Variants in GREB1 observed in about 807,000 individuals in gnomAD.
GREB1 encodes the protein growth regulating estrogen receptor binding 1, also known as protein GREB1.
GREB1 carries 106 observed loss-of-function variants against 200.7 expected under a neutral mutation model. The ratio of observed to expected loss-of-function variants is 0.53; its 90% CI spans 0.45 to 0.62. The LOEUF (loss-of-function observed/expected upper bound fraction) is 0.62, where lower values mean the gene tolerates loss of function less well. GREB1 is among the 20% of genes least tolerant of loss of function. The pLI, the probability that GREB1 is intolerant of heterozygous loss-of-function variation, is 0.00. For synonymous variants in GREB1, 1,132 were observed against 1,092.4 expected (o/e 1.04, Z -0.72); for missense variants, 2,243 against 2,556.8 (o/e 0.88, Z 2.65).
rs1264659564 is a variant in GREB1 at position 11,493,376 on chromosome 2, A to G, written c.-159+10995A>G. ...ATTAGATTCTCATAAGGAGCGTGCAACCTGGATCCCTTGTAGGCGCAGTTC... is the reference window on the plus strand; with the variant it reads ...ATTAGATTCTCATAAGGAGCGTGCAGCCTGGATCCCTTGTAGGCGCAGTTC... On this transcript the variant is annotated intron_variant, in intron 1 of 2. Coordinates refer to the GREB1 transcript ENST00000628795. The surrounding 1 kb of genome is among the most constrained non-coding windows in gnomAD (Gnocchi z 4.6). Among the ~76,000 whole-genome samples, 1 of 152,134 alleles carries G rather than the reference A, an allele frequency of 6.6e-6. No individual in the cohort carries two copies. The highest frequency in any genetic ancestry group is 1.9e-4 in the East Asian group (1 of 5,188).
At position 11,598,613 on chromosome 2, in the gene GREB1, G is replaced by A; in HGVS notation, c.2153-67G>A. 2.8e-6 allele frequency: 4 copies of A among 1,412,354 alleles called. No homozygotes were observed. The Admixed American group carries it at 5.2e-5, about 18-fold the overall frequency. 87.5% of individuals were successfully genotyped at this position (1,412,354 alleles called of 1,614,324 possible). On this transcript the variant is annotated intron_variant, in intron 14 of 32. Coordinates refer to ENST00000381486, the MANE Select transcript of GREB1 (RefSeq NM_014668.4). Reference sequence around the variant, plus strand: ...GCTGTGTAGGAGTCGCTCCTCAGGTGTCTGTTGAGTGAATGAAACCCAGTG... The same window carrying A: ...GCTGTGTAGGAGTCGCTCCTCAGGTATCTGTTGAGTGAATGAAACCCAGTG...
At chr2:11,509,849 G>A (rs951014851) in intron 1 of GREB1, among the ~76,000 whole-genome samples, 4 of 152,150 alleles carry the variant, frequency 2.6e-5, no homozygotes, top group East Asian at 1.9e-4. Context: ...CCTCCAGAAC[G>A]TGAGAAATGA....
At chr2:11,626,754 G>A (rs964950209) in intron 24 of GREB1, among the ~76,000 whole-genome samples, 5 of 152,176 alleles carry the variant, frequency 3.3e-5, no homozygotes, top group African/African-American at 9.7e-5. Context: ...GCCTTAATTA[G>A]TTTATTCCAC....
chr2:11,543,859 G>T (rs1674989810), intron 1 of GREB1, among the ~76,000 whole-genome samples: 1 of 152,146 alleles, frequency 6.6e-6, no homozygotes, highest in Non-Finnish European at 1.5e-5. Context: ...GCTGCTGGGT[G>T]GTGTGAAGAA....
rs780826587 is a variant in GREB1 at position 11,610,730 on chromosome 2, C to T, written c.2709C>T (p.Leu903=). ...LHSAVIRTFV[L]VQHYAAALMA... ...GCGCGGTGATCAGGACCTTTGTTCT[C>T]GTGCAGCACTACGCGGCCGCCCTGA... Residue 903 remains leucine, a synonymous_variant, in exon 18 of 33, where the codon CTC becomes CTT. Coordinates refer to ENST00000381486, the MANE Select transcript of GREB1 (RefSeq NM_014668.4). The T allele has an allele frequency of 4.0e-5, 64 of 1,613,248 alleles. No homozygotes were observed. The highest frequency in any genetic ancestry group is 1.6e-4 in the Middle Eastern group (1 of 6,082).
At chr2:11,506,297 A>G (rs541627935) in intron 1 of GREB1, among the ~76,000 whole-genome samples, 1 of 152,338 alleles carries the variant, frequency 6.6e-6, no homozygotes, top group South Asian at 2.1e-4. Flanking sequence ...GGTAGTTACC[A>G]TGCAGCTGAG....
chr2:11,556,762 G>A lies in GREB1; in HGVS notation c.148G>A (p.Ala50Thr), dbSNP rs754448466. 14 of 1,613,534 alleles carry A rather than the reference G, an allele frequency of 8.7e-6. No individual in the cohort carries two copies. Among genetic ancestry groups the A allele is most frequent in the African/African-American group, 4.0e-5 (3 of 74,918 alleles). The change falls in exon 2 of 33, where the codon GCT becomes ACT. Residue 50 changes from alanine (A) to threonine (T), a missense_variant. Ala to Thr is a moderately conservative substitution (Grantham distance 58). Coordinates refer to ENST00000381486, the MANE Select transcript of GREB1 (RefSeq NM_014668.4). ...LYLEAEQQLA[A>T]LEGGSRVDNE... Reference sequence around the variant, plus strand: ...CCTGGAAGCTGAGCAGCAGCTTGCCGCTCTAGAAGGTGGGAGACGCACGTT... The same window carrying A: ...CCTGGAAGCTGAGCAGCAGCTTGCCACTCTAGAAGGTGGGAGACGCACGTT...
At chr2:11,592,297 A>T in intron 10 of GREB1, among the ~76,000 whole-genome samples, 1 of 140,454 alleles carries the variant, frequency 7.1e-6, no homozygotes. Flanking sequence ...TTTCCAACTT[A>T]TAATTGGTGA....
intron 1 of GREB1, among the ~76,000 whole-genome samples, chr2:11,486,030 T>C: frequency 6.6e-6 from 1 of 152,170 alleles, no homozygotes; most frequent in Admixed American, 6.5e-5. Flanking sequence ...GACAGGAACT[T>C]GCTTTCAATA....
In GREB1 at chr2:11,583,575, G is replaced by T. The variant is rs114291627; in HGVS notation, c.902-1586G>T. 3.3e-3 allele frequency among the ~76,000 whole-genome samples: 507 copies of T among 152,260 alleles called. 5 individuals are homozygous for T. Among genetic ancestry groups the T allele is most frequent in the African/African-American group, 0.012 (491 of 41,560 alleles). On this transcript the variant is annotated intron_variant, in intron 7 of 32. Transcript: ENST00000381486. ...CTGCAGCGTGCTTAAAAATTACCAG[G>T]CTGGTCGGGTGCATTGGCTCACACC...
At chr2:11,623,451 G>T (rs1416226055) in intron 23 of GREB1, among the ~76,000 whole-genome samples, 1 of 152,204 alleles carries the variant, frequency 6.6e-6, no homozygotes, top group Non-Finnish European at 1.5e-5. Flanking sequence ...GTTCTCATAG[G>T]AGATGACACA....
intron 9 of GREB1, chr2:11,588,020 G>A: frequency 1.2e-6 from 1 of 819,410 alleles, no homozygotes; most frequent in Non-Finnish European, 1.5e-6. Flanking sequence ...TAGGTCAGAA[G>A]TTCAAGATCA....
In GREB1 at chr2:11,595,390, C is replaced by A. The variant is rs531925987; in HGVS notation, c.1825+11C>A. 6.2e-7 allele frequency: 1 copy of A among 1,611,658 alleles called. No individual in the cohort carries two copies. Among genetic ancestry groups the A allele is most frequent in the South Asian group, 1.1e-5 (1 of 90,874 alleles). The stretch of plus-strand genomic sequence containing the variant: ...GCACCCTCTGTCCAGGTAGGCTTGT[C>A]GTGAGACAGGTGCACATGCGTATGT... On this transcript the variant is annotated intron_variant, in intron 12 of 32. Coordinates refer to ENST00000381486, the MANE Select transcript of GREB1 (RefSeq NM_014668.4).
chr2:11,574,741 T>C (rs1256209718), intron 4 of GREB1, among the ~76,000 whole-genome samples: 1 of 152,236 alleles, frequency 6.6e-6, no homozygotes, highest in Non-Finnish European at 1.5e-5. Flanking sequence ...CCAGGTTGAC[T>C]GGCTCCTGTG....
chr2:11,572,829 T>G (rs982912331), intron 4 of GREB1, among the ~76,000 whole-genome samples: 15 of 152,052 alleles, frequency 9.9e-5, no homozygotes, highest in African/African-American at 3.6e-4. Flanking sequence ...TCCAGCACTT[T>G]CTACCCTGTA....
At chr2:11,578,505 A>G (rs1346134104) in intron 6 of GREB1, 74 bp downstream of exon 6, 7 of 1,485,154 alleles carry the variant, frequency 4.7e-6, no homozygotes, top group Non-Finnish European at 6.5e-6. Context: ...CCGGTTGACT[A>G]TGCCGTCAAG....
chr2:11,562,194 G>A (rs886488782), intron 2 of GREB1, among the ~76,000 whole-genome samples: 2 of 152,224 alleles, frequency 1.3e-5, no homozygotes, highest in Non-Finnish European at 2.9e-5. Flanking sequence ...GACCTTGGGT[G>A]AGTCATCCAA....
chr2:11,617,650 G>A (rs1473968674), intron 21 of GREB1, among the ~76,000 whole-genome samples: 2 of 152,254 alleles, frequency 1.3e-5, no homozygotes, highest in Admixed American at 6.5e-5. Context: ...CTTAAGGGCC[G>A]AGAGGCTCAG....
intron 4 of GREB1, among the ~76,000 whole-genome samples, chr2:11,568,611 G>C (rs1268323278): frequency 6.6e-6 from 1 of 152,262 alleles, no homozygotes; most frequent in Non-Finnish European, 1.5e-5. Flanking sequence ...GGCCACCTTA[G>C]CGTTTGATCT....
Sources: gnomAD v4.1 joint callset for allele counts (sites outside exome capture counted in the v4.1 genomes callset) on GRCh38, gnomAD v4.1.1 for gene constraint, Gnocchi (gnomAD v3.1) non-coding constraint, MANE v1.5 for transcripts, NCBI Gene and HGNC (gene_info 2026-07-23, HGNC 2026-07-21) for gene names.